VAV2: variants seen among roughly 807,000 people sequenced by gnomAD.
VAV2 encodes vav guanine nucleotide exchange factor 2.
In VAV2, 67 loss-of-function variants were observed where a neutral mutation model predicts 132.5. The ratio of observed to expected loss-of-function variants is 0.51; its 90% CI spans 0.42 to 0.62. The LOEUF (loss-of-function observed/expected upper bound fraction) is 0.62, where lower values mean the gene tolerates loss of function less well. Among genes scored for constraint, VAV2 ranks in the 20% least tolerant of loss-of-function variants. The pLI, the probability that VAV2 is intolerant of heterozygous loss-of-function variation, is 0.00. For synonymous variants in VAV2, 492 were observed against 443.5 expected, an observed-to-expected ratio of 1.11 and a Z score of -1.37; for missense variants, 938 against 1,153.6, an observed-to-expected ratio of 0.81 and a Z score of 2.71.
At position 133,776,084 on chromosome 9, in the gene VAV2, G is replaced by A; in HGVS notation, c.1966-4C>T. On this transcript the variant is annotated splice_region_variant and splice_polypyrimidine_tract_variant and intron_variant, in intron 23 of 29. Transcript: ENST00000371850. The stretch of plus-strand genomic sequence containing the variant: ...ATGGCGGCCGGCTGATGGGCGGCTG[G>A]TGGCAGAGCACAAGAGTGTTAACGG... 1 of 1,612,858 alleles carries A rather than the reference G, an allele frequency of 6.2e-7. No individual in the cohort carries two copies. Among genetic ancestry groups the A allele is most frequent in the South Asian group, 1.1e-5 (1 of 90,992 alleles).
intron 1 of VAV2, among the ~76,000 whole-genome samples, chr9:133,945,715 C>A (rs374526809): frequency 6.6e-6 from 1 of 152,222 alleles, no homozygotes; most frequent in Non-Finnish European, 1.5e-5. Flanking sequence ...CCTGGCCCAA[C>A]CTTCCCCATC....
rs772851620 is a variant in VAV2 at position 133,772,093 on chromosome 9, GCCCCGGCCCCC to G, written c.2136-58_2136-48del. 46 of 1,524,698 alleles carry G rather than the reference GCCCCGGCCCCC, an allele frequency of 3.0e-5. 1 individual carries two copies. The South Asian group carries it at 5.2e-4, about 17-fold the overall frequency. 94.4% of individuals were successfully genotyped at this position (1,524,698 alleles called of 1,614,324 possible). A position where few individuals can be genotyped will look rare whatever the true frequency, so the allele number is the denominator to read the frequency against. On this transcript the variant is annotated intron_variant, in intron 25 of 29. Transcript: ENST00000371850. ...GCGGTCACCGCGTGAGGGCCACACG[GCCCCGGCCCCC>G]TTGGCAGCCAGGCTCATTCTGTGTT...
Position 133,774,227 on chromosome 9 carries a change from C to A in VAV2, c.2135+708G>T, listed in dbSNP as rs1833730849. Among the ~76,000 whole-genome samples the A allele has an allele frequency of 3.3e-5, 5 of 152,218 alleles. No individual in the cohort carries two copies. The South Asian group carries it at 1.0e-3, about 32-fold the overall frequency. On this transcript the variant is annotated intron_variant, in intron 25 of 29. Coordinates refer to ENST00000371850, the MANE Select transcript of VAV2 (RefSeq NM_001134398.2). ...TCCTCTGTGAGGCCTTCATACAGCA[C>A]CCATCTTGTTTCTCCCTGGATTTAA...
At chr9:133,973,833 C>T (rs1023697467) in intron 1 of VAV2, among the ~76,000 whole-genome samples, 2 of 152,274 alleles carry the variant, frequency 1.3e-5, no homozygotes, top group South Asian at 2.1e-4. Flanking sequence ...AATGCAGGGC[C>T]CCCCCAGGCC....
At chr9:133,837,686 G>A (rs1286706863) in intron 3 of VAV2, among the ~76,000 whole-genome samples, 2 of 149,684 alleles carry the variant, frequency 1.3e-5, no homozygotes, top group Non-Finnish European at 1.5e-5. Flanking sequence ...GTCACAGAGT[G>A]AGACTCCATC....
In VAV2 at chr9:133,828,352, AGCACGG is replaced by A. The variant is rs1438826413; in HGVS notation, c.449+5914_449+5919del. On this transcript the variant is annotated intron_variant, in intron 4 of 29. Coordinates refer to ENST00000371850, the MANE Select transcript of VAV2 (RefSeq NM_001134398.2). ...CTGCGCCCACTGGGGCTGACCACTGAGCACGGGCATCACCACCTACCGCTGCGCCCA... is the reference window on the plus strand; with the variant it reads ...CTGCGCCCACTGGGGCTGACCACTGAGCATCACCACCTACCGCTGCGCCCA... Among the ~76,000 whole-genome samples the A allele has an allele frequency of 1.3e-4, 2 of 14,868 alleles. 1 individual carries two copies. The highest frequency in any genetic ancestry group is 3.8e-4 in the Non-Finnish European group (2 of 5,296). 9.8% of individuals were successfully genotyped at this position (14,868 alleles called of 152,430 possible). A position where few individuals can be genotyped will look rare whatever the true frequency, so the allele number is the denominator to read the frequency against.
chr9:133,921,472 T>C (rs1394987064), intron 2 of VAV2, among the ~76,000 whole-genome samples: 1 of 152,014 alleles, frequency 6.6e-6, no homozygotes, highest in African/African-American at 2.4e-5. Flanking sequence ...TCTCTATTTT[T>C]CAAAAACAGT....
chr9:133,937,523 TGAGA>T (rs956505448), intron 2 of VAV2, among the ~76,000 whole-genome samples: 23 of 124,100 alleles, frequency 1.9e-4, no homozygotes, highest in African/African-American at 5.2e-4. Context: ...TGTGCGCGTG[TGAGA>T]GTGTGTGTGA....
intron 2 of VAV2, among the ~76,000 whole-genome samples, chr9:133,891,705 G>C (rs1588323625): frequency 2.3e-5 from 1 of 43,606 alleles, no homozygotes. Flanking sequence ...GAGGGATGAA[G>C]GGGGAGGGAT....
chr9:133,936,555 C>T (rs1179510310), intron 2 of VAV2, among the ~76,000 whole-genome samples: 1 of 152,092 alleles, frequency 6.6e-6, no homozygotes, highest in Non-Finnish European at 1.5e-5. Flanking sequence ...GCCATTGCAT[C>T]TTTATGTATA....
intron 2 of VAV2, among the ~76,000 whole-genome samples, chr9:133,915,600 T>A (rs201514971): frequency 1.5e-5 from 2 of 137,796 alleles, no homozygotes; most frequent in South Asian, 2.4e-4. Flanking sequence ...ACACACACAC[T>A]CCCACACAAT....
At chr9:133,871,371 T>C (rs1319238388) in intron 2 of VAV2, among the ~76,000 whole-genome samples, 3 of 149,152 alleles carry the variant, frequency 2.0e-5, no homozygotes, top group African/African-American at 7.5e-5. Flanking sequence ...AATGGGTGGG[T>C]GGATGGATGG....
At chr9:133,897,526 T>C (rs1461039973) in intron 2 of VAV2, among the ~76,000 whole-genome samples, 1 of 152,150 alleles carries the variant, frequency 6.6e-6, no homozygotes, top group African/African-American at 2.4e-5. Context: ...GGTGAGCTCC[T>C]TCCTGTCTCC....
intron 4 of VAV2, among the ~76,000 whole-genome samples, chr9:133,814,423 CCT>C (rs1746141931): frequency 6.6e-6 from 1 of 152,220 alleles, no homozygotes; most frequent in Non-Finnish European, 1.5e-5. Flanking sequence ...GGCGGCAAAG[CCT>C]CTGTCGAAAA....
intron 2 of VAV2, among the ~76,000 whole-genome samples, chr9:133,930,790 C>T (rs1358302470): frequency 6.6e-6 from 1 of 152,128 alleles, no homozygotes; most frequent in Non-Finnish European, 1.5e-5. Context: ...GCAGGAGAGG[C>T]CGGCACTCAG....
rs1183969390 is a variant in VAV2, at chr9:133,885,106, AC to A, written c.322-23675del. On this transcript the variant is annotated intron_variant, in intron 2 of 29. Coordinates refer to ENST00000371850, the MANE Select transcript of VAV2 (RefSeq NM_001134398.2). The surrounding 1 kb of genome is among the most constrained non-coding windows in gnomAD (Gnocchi z 5.0). ...CCTTCTGGAGGGTTCTCTCCAGAGG[AC>A]TGGCAAGCACAGCCAATATTCATCA... 6.6e-6 allele frequency among the ~76,000 whole-genome samples: 1 copy of A among 152,246 alleles called. No homozygotes were observed. The highest frequency in any genetic ancestry group is 1.9e-4 in the East Asian group (1 of 5,204).
chr9:133,836,310 T>C (rs1223888065), intron 3 of VAV2, among the ~76,000 whole-genome samples: 1 of 152,160 alleles, frequency 6.6e-6, no homozygotes, highest in Non-Finnish European at 1.5e-5. Flanking sequence ...GACCCAGAGA[T>C]GGAGGCTTGA....
At chr9:133,787,214 C>A in intron 16 of VAV2, 32 bp downstream of exon 16, 1 of 1,560,286 alleles carries the variant, frequency 6.4e-7, no homozygotes, top group South Asian at 1.2e-5. Flanking sequence ...ATGATTGAGG[C>A]AGGTGGGAGG....
rs553160111 is a variant in VAV2 at position 133,823,610 on chromosome 9, G to C, written c.449+10662C>G. Among the ~76,000 whole-genome samples, 1 of 152,172 alleles carries C rather than the reference G, an allele frequency of 6.6e-6. No homozygotes were observed. The highest frequency in any genetic ancestry group is 6.5e-5 in the Admixed American group (1 of 15,278). On this transcript the variant is annotated intron_variant, in intron 4 of 29. Transcript: ENST00000371850. The surrounding 1 kb of genome is among the most constrained non-coding windows in gnomAD (Gnocchi z 5.5). ...AACAGCACGAGGAGGGCGATTTAGA[G>C]GGGGAGGGACCTTCATCAGACACAG... is the stretch of plus-strand genomic sequence containing the variant.
Sources: allele counts gnomAD v4.1 joint callset (sites outside exome capture counted in the v4.1 genomes callset), GRCh38; gene constraint gnomAD v4.1.1; non-coding constraint Gnocchi (gnomAD v3.1); transcripts MANE v1.5; gene names NCBI Gene and HGNC (gene_info 2026-07-23, HGNC 2026-07-21).